Variants in FAM169A observed in about 807,000 individuals in gnomAD.
The protein encoded by FAM169A is soluble lamin-associated protein of 75 kDa.
In FAM169A, 24 loss-of-function variants were observed where a neutral mutation model predicts 75.7. The observed-to-expected ratio is 0.32, with a 90% CI of 0.23 to 0.45. The LOEUF (loss-of-function observed/expected upper bound fraction) is 0.45. Among genes scored for constraint, FAM169A ranks in the 20% least tolerant of loss-of-function variants. The probability of loss-of-function intolerance (pLI) is 1.00; values close to 1 mark genes in which losing one functional copy is unlikely to be tolerated. For missense variants in FAM169A, 673 were observed against 784.0 expected (o/e 0.86, Z 1.69); for synonymous variants, 271 against 271.0 (o/e 1.00, Z 0.00).
chr5:74,831,733 T>G (rs1748320092), intron 5 of FAM169A, among the ~76,000 whole-genome samples: 1 of 152,172 alleles, frequency 6.6e-6, no homozygotes, highest in African/African-American at 2.4e-5. Flanking sequence ...ATGAATCCTT[T>G]CACTGTCCTC....
In FAM169A at chr5:74,805,524, C is replaced by CTTTTTTTTTTTTTTTTTT. The variant is rs1194674402; in HGVS notation, c.671-258_671-241dup. Among the ~76,000 whole-genome samples, 23 of 81,924 alleles carry CTTTTTTTTTTTTTTTTTT rather than the reference C, an allele frequency of 2.8e-4. 2 individuals carry two copies. Among genetic ancestry groups the CTTTTTTTTTTTTTTTTTT allele is most frequent in the African/African-American group, 1.1e-3 (21 of 18,436 alleles). 53.7% of individuals were successfully genotyped at this position (81,924 alleles called of 152,430 possible). A position where few individuals can be genotyped will look rare whatever the true frequency, so the allele number is the denominator to read the frequency against. On this transcript the variant is annotated intron_variant, in intron 6 of 12. Coordinates refer to ENST00000687041, the MANE Select transcript of FAM169A (RefSeq NM_001376049.1). The stretch of plus-strand genomic sequence containing the variant: ...AAAAATCCTTTAAAAATGTGCTTCG[C>CTTTTTTTTTTTTTTTTTT]TTTTTTTTTTTTTTTTTTTTTTTGG...
intron 5 of FAM169A, among the ~76,000 whole-genome samples, chr5:74,826,312 A>G (rs561510660): frequency 3.8e-4 from 58 of 152,242 alleles, no homozygotes; most frequent in Admixed American, 9.8e-4. Context: ...TTCCTTACCT[A>G]TGACTATCTG....
At chr5:74,837,404 G>T (rs1748625407) in intron 4 of FAM169A, among the ~76,000 whole-genome samples, 1 of 152,042 alleles carries the variant, frequency 6.6e-6, no homozygotes, top group South Asian at 2.1e-4. Flanking sequence ...TTCAGCAGAT[G>T]GGCCTACCAC....
intron 1 of FAM169A, among the ~76,000 whole-genome samples, chr5:74,844,266 C>A (rs1749031675): frequency 6.6e-6 from 1 of 151,810 alleles, no homozygotes; most frequent in African/African-American, 2.4e-5. Flanking sequence ...AGATCAAGAC[C>A]AGCCTGGGCC....
At position 74,840,082 on chromosome 5, in the gene FAM169A, G is replaced by A. The variant is rs760308189; in HGVS notation, c.224C>T (p.Ser75Leu). 7 of 1,542,428 alleles carry A rather than the reference G, an allele frequency of 4.5e-6. No homozygotes were observed. Among genetic ancestry groups the A allele is most frequent in the Non-Finnish European group, 6.2e-6 (7 of 1,132,880 alleles). The part of the protein sequence containing the change: ...KILALFAPED[S>L]LTAVALYLAD... Reference sequence around the variant, plus strand: ...ATTAAGCAAAAAGAGACCTGTCAGTGAATCTTCAGGTGCAAAGAGAGCAAG... The same window carrying A: ...ATTAAGCAAAAAGAGACCTGTCAGTAAATCTTCAGGTGCAAAGAGAGCAAG... The change falls in exon 3 of 13, where the codon TCA becomes TTA. Residue 75 changes from serine (S) to leucine (L), a missense_variant. This residue lies in a region of FAM169A where 107 missense variants were observed against 180.8 expected (regional missense o/e 0.59). Transcript: ENST00000687041.
At chr5:74,788,219 C>T (rs1387006019) in intron 11 of FAM169A, among the ~76,000 whole-genome samples, 1 of 152,212 alleles carries the variant, frequency 6.6e-6, no homozygotes, top group Non-Finnish European at 1.5e-5. Context: ...TAGCTCAGGT[C>T]TGACTTACAG....
intron 8 of FAM169A, among the ~76,000 whole-genome samples, chr5:74,803,244 T>C (rs1313258862): frequency 1.3e-5 from 2 of 152,034 alleles, no homozygotes; most frequent in East Asian, 1.9e-4. Context: ...ATAGGAAGAG[T>C]AGATTTTCTA....
At chr5:74,795,029 G>A (rs577282397) in intron 11 of FAM169A, among the ~76,000 whole-genome samples, 47 of 152,102 alleles carry the variant, frequency 3.1e-4, no homozygotes, top group African/African-American at 1.0e-3. Context: ...AGGCTGAGGC[G>A]GGCACATCAC....
intron 5 of FAM169A, among the ~76,000 whole-genome samples, chr5:74,832,559 GA>G (rs1341873105): frequency 2.7e-5 from 4 of 150,208 alleles, no homozygotes; most frequent in African/African-American, 9.7e-5. Flanking sequence ...TACTAGTGTA[GA>G]AAAAAATATT....
chr5:74,820,198 G>A (rs956359982), intron 5 of FAM169A, among the ~76,000 whole-genome samples: 3 of 151,850 alleles, frequency 2.0e-5, no homozygotes, highest in African/African-American at 7.3e-5. Flanking sequence ...GTTTCACTGT[G>A]TTGGCCAGGC....
At chr5:74,802,817 T>A (rs1029351578) in intron 8 of FAM169A, among the ~76,000 whole-genome samples, 9 of 152,088 alleles carry the variant, frequency 5.9e-5, no homozygotes, top group African/African-American at 2.2e-4. Context: ...ATAAATCATA[T>A]GACAAATATC....
chr5:74,795,903 A>C, intron 11 of FAM169A, 127 bp downstream of exon 11: 2 of 918,328 alleles, frequency 2.2e-6, no homozygotes, highest in Non-Finnish European at 3.2e-6. Context: ...AATATATATG[A>C]TTTTTAACAC....
chr5:74,866,669 G>GT (rs1383404503), upstream of FAM169A: 1 of 879,088 alleles, frequency 1.1e-6, no homozygotes, highest in Non-Finnish European at 1.4e-6. Flanking sequence ...ATTAAAGAGT[G>GT]ACCTTGGCTT....
At chr5:74,787,963 C>G (rs561157886) in intron 11 of FAM169A, among the ~76,000 whole-genome samples, 4 of 152,142 alleles carry the variant, frequency 2.6e-5, no homozygotes, top group Non-Finnish European at 5.9e-5. Context: ...AATGAAGCCC[C>G]TTGAGGAAGG....
intron 6 of FAM169A, 53 bp from the exon 7 acceptor site, chr5:74,805,337 A>C (rs1172807350): frequency 1.9e-6 from 3 of 1,579,536 alleles, no homozygotes; most frequent in Non-Finnish European, 2.6e-6. Flanking sequence ...ACTGTTTTGA[A>C]AAACAGGAGT....
intron 5 of FAM169A, among the ~76,000 whole-genome samples, chr5:74,828,828 T>C (rs1425214230): frequency 6.6e-6 from 1 of 152,170 alleles, no homozygotes; most frequent in Non-Finnish European, 1.5e-5. Context: ...GTCATTCTGG[T>C]GGTGTTTGCA....
intron 2 of FAM169A, among the ~76,000 whole-genome samples, chr5:74,840,584 TC>T (rs1301570066): frequency 1.6e-4 from 24 of 148,880 alleles, no homozygotes; most frequent in Admixed American, 8.0e-4. Context: ...ATCCCAGCAC[TC>T]TGGGGAGGCC....
Position 74,781,439 on chromosome 5 carries a change from A to G in FAM169A, c.*21T>C, listed in dbSNP as rs1012867069. 4 of 1,594,268 alleles carry G rather than the reference A, an allele frequency of 2.5e-6. No individual in the cohort carries two copies. Among genetic ancestry groups the G allele is most frequent in the Non-Finnish European group, 3.4e-6 (4 of 1,165,958 alleles). ...AACTATGTTACAAAGAAGAGGATTT[A>G]TCATCCACTTTCTTCTTCCTTCAGG... On this transcript the variant is annotated 3_prime_UTR_variant, in exon 13 of 13. Transcript: ENST00000687041.
At chr5:74,841,509 GA>G in intron 2 of FAM169A, 35 bp downstream of exon 2, 1 of 1,504,154 alleles carries the variant, frequency 6.6e-7, no homozygotes. Flanking sequence ...AAACTGAACT[GA>G]AAAGATTGAT....
Sources: gnomAD v4.1 joint callset for allele counts (sites outside exome capture counted in the v4.1 genomes callset) on GRCh38, gnomAD v4.1.1 for gene constraint, gnomAD v4.1.1 regional missense constraint, MANE v1.5 for transcripts, NCBI Gene and HGNC (gene_info 2026-07-23, HGNC 2026-07-21) for gene names.